HMGCLL1: variants seen among roughly 807,000 people sequenced by gnomAD.
The protein encoded by HMGCLL1 is 3-hydroxymethyl-3-methylglutaryl-CoA lyase, cytoplasmic.
HMGCLL1 carries 36 observed loss-of-function variants against 39.1 expected under a neutral mutation model. The observed-to-expected ratio is 0.92, with a 90% CI of 0.71 to 1.22. HMGCLL1 has a LOEUF of 1.22. Among genes scored for constraint, HMGCLL1 ranks in the 50% most tolerant of loss-of-function variants. The pLI is 0.00. For missense variants in HMGCLL1, 451 were observed against 416.5 expected (o/e 1.08, Z -0.72); for synonymous variants, 149 against 144.0 (o/e 1.03, Z -0.25).
chr6:55,620,159 T>C, the HMGCLL1 span, among the ~76,000 whole-genome samples: 1 of 152,172 alleles, frequency 6.6e-6, no homozygotes, highest in Non-Finnish European at 1.5e-5. Flanking sequence ...GGAGTACAGA[T>C]ATTCCCATGT....
At chr6:55,584,957 A>T in the HMGCLL1 span, among the ~76,000 whole-genome samples, 1 of 151,932 alleles carries the variant, frequency 6.6e-6, no homozygotes, top group Non-Finnish European at 1.5e-5. Context: ...ATGATACCTA[A>T]GGGGAAAAAA....
chr6:55,571,026 G>T (rs116569074), intron 1 of HMGCLL1, among the ~76,000 whole-genome samples: 9 of 152,110 alleles, frequency 5.9e-5, no homozygotes, highest in African/African-American at 2.2e-4. Flanking sequence ...AACAGTATGC[G>T]GGGAACACCC....
upstream of HMGCLL1, among the ~76,000 whole-genome samples, chr6:55,580,212 G>C (rs983045801): frequency 1.3e-5 from 2 of 152,024 alleles, no homozygotes; most frequent in Middle Eastern, 3.4e-3. Context: ...TTGCATGGGT[G>C]GGGGTTTGGG....
chr6:55,446,331 CAT>C (rs1277127747), intron 7 of HMGCLL1, among the ~76,000 whole-genome samples: 2 of 148,238 alleles, frequency 1.3e-5, no homozygotes, highest in Non-Finnish European at 3.0e-5. Flanking sequence ...TTTTATATAA[CAT>C]ATATAAATAC....
intron 5 of HMGCLL1, among the ~76,000 whole-genome samples, chr6:55,501,220 G>A (rs12210599): frequency 0.68 from 102,460 of 151,670 alleles, 34,636 homozygotes; most frequent in Non-Finnish European, 0.7. Context: ...ATGGTTCTCA[G>A]CTATGTTCCC....
the HMGCLL1 span, among the ~76,000 whole-genome samples, chr6:55,598,106 G>T: frequency 6.6e-6 from 1 of 152,034 alleles, no homozygotes; most frequent in Non-Finnish European, 1.5e-5. Context: ...CCTCATCAGT[G>T]GATGTGTTCA....
chr6:55,446,099 C>T (rs1312015420), intron 7 of HMGCLL1, among the ~76,000 whole-genome samples: 1 of 151,758 alleles, frequency 6.6e-6, no homozygotes, highest in Non-Finnish European at 1.5e-5. Flanking sequence ...AGTCCTGTAG[C>T]TCACAGAATT....
intron 3 of HMGCLL1, among the ~76,000 whole-genome samples, chr6:55,524,472 A>AAAAC (rs1554150842): frequency 6.6e-6 from 1 of 150,786 alleles, no homozygotes; most frequent in Non-Finnish European, 1.5e-5. Context: ...TTAAAAAAAA[A>AAAAC]AAAAAAACGG....
chr6:55,629,081 G>A, the HMGCLL1 span, among the ~76,000 whole-genome samples: 1 of 152,158 alleles, frequency 6.6e-6, no homozygotes, highest in Admixed American at 6.6e-5. Flanking sequence ...AACAGGCAGG[G>A]GTTGGAACAG....
chr6:55,588,259 A>G, the HMGCLL1 span, among the ~76,000 whole-genome samples: 1 of 152,154 alleles, frequency 6.6e-6, no homozygotes. Context: ...CTCACTCAAA[A>G]CCACTCAAAT....
upstream of HMGCLL1, among the ~76,000 whole-genome samples, chr6:55,580,408 T>A (rs1182588083): frequency 0.01 from 400 of 39,752 alleles, 8 homozygotes; most frequent in Non-Finnish European, 0.014. Context: ...TTTTCTTTCT[T>A]TTTTTTTTTT....
rs146110495 is a variant in HMGCLL1, at chr6:55,466,390, C to T, written c.796-26831G>A. Among the ~76,000 whole-genome samples the T allele has an allele frequency of 2.4e-4, 36 of 152,096 alleles. No individual in the cohort carries two copies. In the East Asian group the frequency reaches 3.3e-3, roughly 14 times the overall value. On this transcript the variant is annotated intron_variant, in intron 7 of 8. Transcript: ENST00000274901. ...ATTTCTTTGAGCTAATTTGAGAATC[C>T]GCTTTGAGAATCCGCTTTGAGAATC...
intron 1 of HMGCLL1, among the ~76,000 whole-genome samples, chr6:55,565,847 C>T (rs761938022): frequency 7.9e-5 from 12 of 151,998 alleles, no homozygotes; most frequent in Non-Finnish European, 1.8e-4. Flanking sequence ...TCTGTTTCTC[C>T]AAGGTCTTGA....
At chr6:55,545,059 C>T (rs1301137261) in intron 1 of HMGCLL1, among the ~76,000 whole-genome samples, 1 of 152,060 alleles carries the variant, frequency 6.6e-6, no homozygotes, top group Non-Finnish European at 1.5e-5. Context: ...CTCTAGTCTT[C>T]AGTTGGCAGG....
the HMGCLL1 span, among the ~76,000 whole-genome samples, chr6:55,661,515 T>A: frequency 6.6e-6 from 1 of 151,980 alleles, no homozygotes; most frequent in African/African-American, 2.4e-5. Flanking sequence ...GAAGATCAGA[T>A]GATTGTAGGT....
At chr6:55,628,392 C>A in the HMGCLL1 span, among the ~76,000 whole-genome samples, 1 of 149,760 alleles carries the variant, frequency 6.7e-6, no homozygotes, top group African/African-American at 2.5e-5. Flanking sequence ...ACCTCAGTCT[C>A]CTGGGTTCAA....
At chr6:55,607,972 T>C in the HMGCLL1 span, among the ~76,000 whole-genome samples, 1 of 152,174 alleles carries the variant, frequency 6.6e-6, no homozygotes, top group Non-Finnish European at 1.5e-5. Flanking sequence ...CTCATTCTAA[T>C]CTCACATGAA....
At chr6:55,494,207 C>T (rs923201788) in intron 7 of HMGCLL1, among the ~76,000 whole-genome samples, 1 of 152,080 alleles carries the variant, frequency 6.6e-6, no homozygotes, top group Non-Finnish European at 1.5e-5. Context: ...TGTTCTATAG[C>T]CCTTTATCCT....
At chr6:55,575,397 C>T (rs1015127486) in intron 1 of HMGCLL1, among the ~76,000 whole-genome samples, 6 of 151,980 alleles carry the variant, frequency 3.9e-5, no homozygotes, top group Admixed American at 6.6e-5. Flanking sequence ...TATATTCATA[C>T]ACACAATATT....
Sources: gnomAD v4.1 joint callset for allele counts (sites outside exome capture counted in the v4.1 genomes callset) on GRCh38, gnomAD v4.1.1 for gene constraint, MANE v1.5 for transcripts, NCBI Gene and HGNC (gene_info 2026-07-23, HGNC 2026-07-21) for gene names.